Variants in ADGRB3 observed in about 807,000 individuals in gnomAD.
The protein encoded by ADGRB3 is brain-specific angiogenesis inhibitor 3.
In ADGRB3, 37 loss-of-function variants were observed where a neutral mutation model predicts 193.4. The observed-to-expected ratio is 0.19, with a 90% CI of 0.15 to 0.25. The LOEUF is 0.25. Ranked by LOEUF, ADGRB3 falls within the 10% of genes least tolerant of loss-of-function variation. ADGRB3 has a pLI of 1.00. For synonymous variants in ADGRB3, 690 were observed against 644.2 expected (o/e 1.07, Z -1.08); for missense variants, 1,637 against 1,852.9 (o/e 0.88, Z 2.14).
chr6:69,087,399 T>A (rs567435448), intron 17 of ADGRB3, among the ~76,000 whole-genome samples: 1 of 152,260 alleles, frequency 6.6e-6, no homozygotes, highest in Non-Finnish European at 1.5e-5. Flanking sequence ...CCAAAATTCA[T>A]ATGTTGAAAC....
At chr6:68,835,023 C>T (rs990608710) in intron 3 of ADGRB3, among the ~76,000 whole-genome samples, 1 of 151,616 alleles carries the variant, frequency 6.6e-6, no homozygotes, top group Non-Finnish European at 1.5e-5. Flanking sequence ...TATATAATAT[C>T]AATTCATAAA....
At chr6:68,891,091 C>T (rs1225581604) in intron 3 of ADGRB3, among the ~76,000 whole-genome samples, 1 of 152,094 alleles carries the variant, frequency 6.6e-6, no homozygotes, top group African/African-American at 2.4e-5. Flanking sequence ...CAAGGAGGAG[C>T]AAGTCATGTC....
At chr6:68,777,975 C>A (rs1766781219) in intron 3 of ADGRB3, among the ~76,000 whole-genome samples, 1 of 151,952 alleles carries the variant, frequency 6.6e-6, no homozygotes. Context: ...AGCAATGAAC[C>A]AACAAAGCCT....
chr6:68,639,192 A>T lies in ADGRB3; in HGVS notation c.517A>T (p.Thr173Ser). 6.2e-7 allele frequency: 1 copy of T among 1,614,208 alleles called. No homozygotes were observed. Among genetic ancestry groups the T allele is most frequent in the East Asian group, 2.2e-5 (1 of 44,868 alleles). The change falls in exon 3 of 32, where the codon ACT (threonine) becomes TCT (serine). Residue 173 changes from threonine (T) to serine (S), a missense_variant. By Grantham distance (58) the Thr-to-Ser change is moderately conservative (BLOSUM62 1). This residue lies in a region of ADGRB3 where 365 missense variants were observed against 409.8 expected (regional missense o/e 0.89). Transcript: ENST00000370598. Reference protein sequence around the residue: ...PSQFGCHVLCTWLESCLKSEN... With the variant: ...PSQFGCHVLCSWLESCLKSEN... ...CCAGTTTGGTTGCCATGTATTATGT[A>T]CTTGGTTGGAGAGCTGCTTAAAATC...
At chr6:69,177,537 G>A (rs912301852) in intron 17 of ADGRB3, among the ~76,000 whole-genome samples, 7 of 151,852 alleles carry the variant, frequency 4.6e-5, no homozygotes, top group African/African-American at 1.5e-4. Context: ...TTGTAGAGAC[G>A]GGGTTTTACC....
Position 68,943,905 on chromosome 6 carries a change from C to G in ADGRB3, c.1106C>G (p.Thr369Arg). 1 of 1,614,008 alleles carries G rather than the reference C, an allele frequency of 6.2e-7. No individual in the cohort carries two copies. Among genetic ancestry groups the G allele is most frequent in the African/African-American group, 1.3e-5 (1 of 75,060 alleles). Residue 369 changes from threonine (T) to arginine (R), a missense_variant, in exon 6 of 32, where the codon ACA becomes AGA. Transcript: ENST00000370598. ...FTCGRGQRTR[T>R]RSCTPPQYGG... Reference sequence around the variant, plus strand: ...TGTGGTCGAGGCCAAAGAACAAGAACAAGGTCATGCACACCTCCTCAGTAT... The same window carrying G: ...TGTGGTCGAGGCCAAAGAACAAGAAGAAGGTCATGCACACCTCCTCAGTAT...
rs563623466 is a variant in ADGRB3 at position 69,358,921 on chromosome 6, G to A, written c.3596-1948G>A. On this transcript the variant is annotated intron_variant, in intron 28 of 31. Transcript: ENST00000370598. ...GAATTATCTTTCTTTACACACACACGTATATATATATATATTTTTTTTCAG... is the reference window on the plus strand; with the variant it reads ...GAATTATCTTTCTTTACACACACACATATATATATATATATTTTTTTTCAG... 2.9e-4 allele frequency among the ~76,000 whole-genome samples: 44 copies of A among 149,350 alleles called. No homozygotes were observed. In the South Asian group the frequency reaches 8.8e-3, roughly 30 times the overall value.
intron 10 of ADGRB3, among the ~76,000 whole-genome samples, chr6:68,976,426 A>G (rs1768750566): frequency 6.6e-6 from 1 of 152,132 alleles, no homozygotes; most frequent in South Asian, 2.1e-4. Context: ...GTATATCTAT[A>G]TACAGTTGAC....
At chr6:69,097,546 TA>T (rs1772917764) in intron 17 of ADGRB3, among the ~76,000 whole-genome samples, 1 of 152,188 alleles carries the variant, frequency 6.6e-6, no homozygotes, top group Non-Finnish European at 1.5e-5. Context: ...TATATGGTAG[TA>T]AGAATAAGTA....
intron 17 of ADGRB3, among the ~76,000 whole-genome samples, chr6:69,125,573 G>C (rs1561926887): frequency 6.6e-6 from 1 of 152,118 alleles, no homozygotes; most frequent in Non-Finnish European, 1.5e-5. Context: ...GCCTCCACAA[G>C]ACGCTGAATC....
intron 26 of ADGRB3, among the ~76,000 whole-genome samples, chr6:69,348,988 C>T (rs1259533399): frequency 6.6e-6 from 1 of 152,190 alleles, no homozygotes. Context: ...GGAATGAAGA[C>T]TAGCTTTCAA....
At chr6:68,969,746 C>T (rs576728714) in intron 8 of ADGRB3, among the ~76,000 whole-genome samples, 3 of 152,306 alleles carry the variant, frequency 2.0e-5, no homozygotes, top group Non-Finnish European at 4.4e-5. Context: ...TACCTTGTAT[C>T]CACCAATTTT....
Position 68,718,571 on chromosome 6 carries a change from C to A in ADGRB3, c.757+79139C>A, listed in dbSNP as rs139082593. On this transcript the variant is annotated intron_variant, in intron 3 of 31. Transcript: ENST00000370598. ...TGTTCCCTCTTGCTGAAATTCCCTT[C>A]TCTCCATATTTACTTATTGAGGTCA... Among the ~76,000 whole-genome samples the A allele has an allele frequency of 1.4e-4, 22 of 151,868 alleles. 1 individual carries two copies. In the East Asian group the frequency reaches 3.5e-3, roughly 24 times the overall value.
At chr6:68,797,444 G>T (rs146317176) in intron 3 of ADGRB3, among the ~76,000 whole-genome samples, 160 of 152,126 alleles carry the variant, frequency 1.1e-3, no homozygotes, top group African/African-American at 3.7e-3. Flanking sequence ...AAGGTAGAGA[G>T]AGAGATGCTG....
chr6:69,325,106 C>CAA, intron 21 of ADGRB3, 84 bp downstream of exon 21: 13 of 1,458,416 alleles, frequency 8.9e-6, no homozygotes, highest in Non-Finnish European at 1.1e-5. Flanking sequence ...TGATTAGACA[C>CAA]AGGCTACTTT....
chr6:69,210,787 C>A (rs2127239098), intron 17 of ADGRB3, among the ~76,000 whole-genome samples: 1 of 152,166 alleles, frequency 6.6e-6, no homozygotes. Context: ...TAGCACCCAG[C>A]TTCCCTGCCA....
intron 3 of ADGRB3, among the ~76,000 whole-genome samples, chr6:68,908,620 C>T (rs905987303): frequency 6.6e-6 from 1 of 152,126 alleles, no homozygotes; most frequent in African/African-American, 2.4e-5. Flanking sequence ...GTATTTCTAA[C>T]TATAGGCTGA....
intron 17 of ADGRB3, among the ~76,000 whole-genome samples, chr6:69,096,695 A>G (rs569046461): frequency 9.2e-5 from 14 of 152,106 alleles, no homozygotes; most frequent in Non-Finnish European, 1.9e-4. Flanking sequence ...CCCTGTTCTC[A>G]TAGCTGCTAG....
intron 17 of ADGRB3, among the ~76,000 whole-genome samples, chr6:69,111,840 A>C (rs1312405842): frequency 1.1e-4 from 16 of 152,370 alleles, no homozygotes; most frequent in Non-Finnish European, 1.2e-4. Flanking sequence ...CTTCTATGAA[A>C]ACTTTGAGAG....
Sources: allele counts gnomAD v4.1 joint callset (sites outside exome capture counted in the v4.1 genomes callset), GRCh38; gene constraint gnomAD v4.1.1; regional missense constraint gnomAD v4.1.1; transcripts MANE v1.5; gene names NCBI Gene and HGNC (gene_info 2026-07-23, HGNC 2026-07-21).